The following PRRC2A variants were observed in gnomAD, a reference collection of about 807,000 sequenced individuals.
PRRC2A encodes proline rich coiled-coil 2A.
In PRRC2A, 59 loss-of-function variants were observed where a neutral mutation model predicts 224.6. The observed-to-expected ratio is 0.26, with a 90% confidence interval of 0.21 to 0.33. The LOEUF (loss-of-function observed/expected upper bound fraction) is 0.33, where lower values mean the gene tolerates loss of function less well. Ranked by LOEUF, PRRC2A falls within the 10% of genes least tolerant of loss-of-function variation. PRRC2A has a pLI of 1.00. For synonymous variants in PRRC2A, 1,194 were observed against 1,109.5 expected, an observed-to-expected ratio of 1.08 and a Z score of -1.51; for missense variants, 3,095 against 2,880.7, an observed-to-expected ratio of 1.07 and a Z score of -1.70.
At position 31,634,838 on chromosome 6, in the gene PRRC2A, G is replaced by A. The variant is rs1262391158; in HGVS notation, c.5021G>A (p.Gly1674Glu). The stretch of plus-strand genomic sequence containing the variant: ...TGCAGCCAGCGAAGTTCCCCTGATG[G>A]AGGACTCAAGGGGGCAGCAGAGGGA... ...GPCSQRSSPDGGLKGAAEGPP... is the reference protein window; with the variant it reads ...GPCSQRSSPDEGLKGAAEGPP... Residue 1674 changes from glycine to glutamate, a missense_variant, in exon 21 of 31, where the codon GGA becomes GAA. Transcript: ENST00000376033. 6.2e-7 allele frequency: 1 copy of A among 1,613,000 alleles called. No individual in the cohort carries two copies. The highest frequency in any genetic ancestry group is 1.7e-5 in the Admixed American group (1 of 60,028).
chr6:31,637,366 T>C, intron 30 of PRRC2A, 42 bp downstream of exon 30: 5 of 1,601,530 alleles, frequency 3.1e-6, no homozygotes, highest in Non-Finnish European at 4.3e-6. Context: ...AAATTCGAGT[T>C]GCCACCTGAT....
At position 31,631,586 on chromosome 6, in the gene PRRC2A, G is replaced by A. The variant is rs774285680; in HGVS notation, c.2913G>A (p.Gln971=). 6.4e-7 allele frequency: 1 copy of A among 1,565,934 alleles called. No homozygotes were observed. The highest frequency in any genetic ancestry group is 1.2e-5 in the South Asian group (1 of 84,358). ...VEELPPKPLE[Q]GDETPKPPKP... The stretch of plus-strand genomic sequence containing the variant: ...AGCTGCCTCCCAAGCCCCTCGAACA[G>A]GGGGATGAAACCCCCAAACCCCCAA... Residue 971 remains glutamine (Q), a synonymous_variant, in exon 16 of 31, where the codon CAG becomes CAA. Coordinates refer to ENST00000376033, the MANE Select transcript of PRRC2A (RefSeq NM_004638.4). The surrounding 1 kb of genome is among the most constrained non-coding windows in gnomAD (Gnocchi z 4.5).
chr6:31,626,759 T>C lies in PRRC2A; in HGVS notation c.983-13T>C. 6.4e-7 allele frequency: 1 copy of C among 1,563,842 alleles called. No individual in the cohort carries two copies. Among genetic ancestry groups the C allele is most frequent in the Non-Finnish European group, 8.7e-7 (1 of 1,153,532 alleles). On this transcript the variant is annotated splice_polypyrimidine_tract_variant and intron_variant, in intron 9 of 30. Transcript: ENST00000376033. ...AGAATGCTTGGGTTACTAATACTCATATTTCCCCTCAGGGGCCCATGAAGA... is the reference window on the plus strand; with the variant it reads ...AGAATGCTTGGGTTACTAATACTCACATTTCCCCTCAGGGGCCCATGAAGA...
In PRRC2A at chr6:31,632,506, CCCTT is replaced by C; in HGVS notation, c.3836_3839del (p.Leu1279GlnfsTer67). 6.2e-7 allele frequency: 1 copy of C among 1,608,672 alleles called. No homozygotes were observed. The highest frequency in any genetic ancestry group is 8.5e-7 in the Non-Finnish European group (1 of 1,177,192). On this transcript the variant is annotated frameshift_variant, in exon 16 of 31. Transcript: ENST00000376033. LOFTEE classifies it high-confidence loss of function. ...GGGTCTGAGGGCAAGCCCTCCCTAA[CCCTT>C]CCAGCCTCCGCTCCTGGACCTGAGG...
rs772361165 is a variant in PRRC2A at position 31,628,069 on chromosome 6, C to G, written c.1595C>G (p.Pro532Arg). The change falls in exon 12 of 31, where the codon CCA becomes CGA. Residue 532 changes from proline (P) to arginine (R), a missense_variant. By Grantham distance (103) the Pro-to-Arg change is moderately radical (BLOSUM62 -2). This residue lies in a region of PRRC2A where 2,001 missense variants were observed against 1,764.9 expected (regional missense o/e 1.13). Coordinates refer to ENST00000376033, the MANE Select transcript of PRRC2A (RefSeq NM_004638.4). ...GTCCCTAAAGAACTCCCTGCACCTCCAGCTCCACCTCCAGCATCAGCCCCA... is the reference window on the plus strand; with the variant it reads ...GTCCCTAAAGAACTCCCTGCACCTCGAGCTCCACCTCCAGCATCAGCCCCA... ...PAVPKELPAP[P>R]APPPASAPTP... The G allele has an allele frequency of 1.9e-6, 3 of 1,612,914 alleles. No homozygotes were observed. The highest frequency in any genetic ancestry group is 2.5e-6 in the Non-Finnish European group (3 of 1,179,908).
chr6:31,627,890 A>C lies in PRRC2A; in HGVS notation c.1416A>C (p.Glu472Asp). 6.2e-7 allele frequency: 1 copy of C among 1,613,056 alleles called. No homozygotes were observed. Among genetic ancestry groups the C allele is most frequent in the South Asian group, 1.1e-5 (1 of 91,082 alleles). ...TGGAGCGGGCCCGGCGACGGCGAGA[A>C]GAAGAGGAGCGGCGCATGCAAGAAG... ...LAVERARRRR[E>D]EEERRMQEER... The change falls in exon 12 of 31, where the codon GAA becomes GAC. Residue 472 changes from glutamate to aspartate, a missense_variant. Coordinates refer to ENST00000376033, the MANE Select transcript of PRRC2A (RefSeq NM_004638.4). This position sits in a 1 kb window ranked among gnomAD's most constrained non-coding sequence, Gnocchi z 5.6.
Position 31,632,999 on chromosome 6 carries a change from AG to A in PRRC2A, c.4319+9del. 1 of 1,530,566 alleles carries A rather than the reference AG, an allele frequency of 6.5e-7. No individual in the cohort carries two copies. Among genetic ancestry groups the A allele is most frequent in the Non-Finnish European group, 8.8e-7 (1 of 1,141,152 alleles). 94.8% of individuals were successfully genotyped at this position (1,530,566 alleles called of 1,614,324 possible). ...CCTCTCCCAAGAACCGAAGGTGGGT[AG>A]GAACAAACAAATTTATTGTGGTTTA... On this transcript the variant is annotated splice_region_variant and intron_variant, in intron 16 of 30. Transcript: ENST00000376033.
In PRRC2A at chr6:31,628,198, G is replaced by A. The variant is rs1422073805; in HGVS notation, c.1724G>A (p.Ser575Asn). 6.2e-7 allele frequency: 1 copy of A among 1,612,784 alleles called. No homozygotes were observed. Among genetic ancestry groups the A allele is most frequent in the East Asian group, 2.2e-5 (1 of 44,894 alleles). ...AAPTLVSGGG[S>N]TSSTSSGSFE... ...CCCACTCTGGTGAGTGGTGGTGGCAGTACCAGTAGCACCAGCAGTGGCAGC... is the reference window on the plus strand; with the variant it reads ...CCCACTCTGGTGAGTGGTGGTGGCAATACCAGTAGCACCAGCAGTGGCAGC... Residue 575 changes from serine to asparagine, a missense_variant, in exon 12 of 31, where the codon AGT (serine) becomes AAT (asparagine). Physicochemically the swap from Ser to Asn is conservative, Grantham distance 46. Transcript: ENST00000376033.
rs769576665 is a variant in PRRC2A at position 31,632,449 on chromosome 6, G to A, written c.3776G>A (p.Arg1259Lys). 2.5e-6 allele frequency: 4 copies of A among 1,605,500 alleles called. No homozygotes were observed. Among genetic ancestry groups the A allele is most frequent in the Middle Eastern group, 3.3e-4 (2 of 6,030 alleles). ...CAGGATAAACCGCCTCGTTTCCGGA[G>A]GCTGAAGCAGGAACGGGAGAATGCC... ...QQQDKPPRFR[R>K]LKQERENAAR... The change falls in exon 16 of 31, where the codon AGG becomes AAG. Residue 1259 changes from arginine (R) to lysine (K), a missense_variant. This residue lies in a region of PRRC2A where 2,001 missense variants were observed against 1,764.9 expected (regional missense o/e 1.13). Transcript: ENST00000376033.
chr6:31,625,363 T>G lies in PRRC2A; in HGVS notation c.607+49T>G. 6.2e-7 allele frequency: 1 copy of G among 1,614,086 alleles called. No individual in the cohort carries two copies. The highest frequency in any genetic ancestry group is 8.5e-7 in the Non-Finnish European group (1 of 1,179,906). On this transcript the variant is annotated intron_variant, in intron 6 of 30. Transcript: ENST00000376033. This position sits in a 1 kb window ranked among gnomAD's most constrained non-coding sequence, Gnocchi z 4.1. ...GACATTACCTATTGCATCTCAGAGC[T>G]AGGTGCTGGCTTATTCACCTTCCTC...
At position 31,625,692 on chromosome 6, in the gene PRRC2A, A is replaced by T; in HGVS notation, c.759+81A>T. 1 of 1,590,122 alleles carries T rather than the reference A, an allele frequency of 6.3e-7. No individual in the cohort carries two copies. Among genetic ancestry groups the T allele is most frequent in the African/African-American group, 1.3e-5 (1 of 74,434 alleles). ...ATCAGGACTTAGTCTTTGACCTATG[A>T]GATAGAAGGGAGGGTGGGAGGATGA... On this transcript the variant is annotated intron_variant, in intron 7 of 30. Transcript: ENST00000376033. The surrounding 1 kb of genome is among the most constrained non-coding windows in gnomAD (Gnocchi z 4.1).
rs201990416 is a variant in PRRC2A at position 31,635,435 on chromosome 6, A to C, written c.5343A>C (p.Ala1781=). The change falls in exon 23 of 31, where the codon GCA becomes GCC. Residue 1781 remains alanine (A), a synonymous_variant. Coordinates refer to ENST00000376033, the MANE Select transcript of PRRC2A (RefSeq NM_004638.4). ...LRLVVGDSLK[A]EKELTASVTE... is the part of the protein sequence containing the mutation. ...TAGTGGTAGGAGACAGCTTGAAAGC[A>C]GAGAAGGAGCTAACAGCATCAGTCA... 1.2e-6 allele frequency: 2 copies of C among 1,614,252 alleles called. No individual in the cohort carries two copies. Among genetic ancestry groups the C allele is most frequent in the Admixed American group, 3.3e-5 (2 of 60,032 alleles).
rs778668800 is a variant in PRRC2A at position 31,632,675 on chromosome 6, C to T, written c.4002C>T (p.Arg1334=). The T allele has an allele frequency of 2.4e-5, 38 of 1,612,992 alleles. No homozygotes were observed. Among genetic ancestry groups the T allele is most frequent in the Non-Finnish European group, 2.8e-5 (33 of 1,180,030 alleles). ...ASESSDFTSE[R]RGDKEAPPPV... is the part of the protein sequence containing the mutation. ...AGAGCAGTGACTTCACCAGTGAGCG[C>T]CGAGGGGACAAAGAGGCACCCCCAC... Residue 1334 remains arginine (R), a synonymous_variant, in exon 16 of 31, where the codon CGC becomes CGT. Coordinates refer to ENST00000376033, the MANE Select transcript of PRRC2A (RefSeq NM_004638.4).
chr6:31,623,259 ATTTTT>A (rs3993756), intron 2 of PRRC2A: 58,101 of 314,954 alleles, frequency 0.18, 1,885 homozygotes, highest in East Asian at 0.2. Flanking sequence ...GATTTCATAG[ATTTTT>A]TTTTTTTTTT....
rs1349850849 is a variant in PRRC2A, at chr6:31,636,874, C to G, written c.6076C>G (p.Pro2026Ala). The G allele has an allele frequency of 2.5e-6, 4 of 1,613,012 alleles. No homozygotes were observed. The highest frequency in any genetic ancestry group is 3.4e-6 in the Non-Finnish European group (4 of 1,180,028). ...GCCCCCCAGCCTGGCTGTGCGGCCC[C>G]CACCTGCTCCTGCTACTCGGGTGCT... ...LQPPSLAVRP[P>A]PAPATRVLPS... The change falls in exon 28 of 31, where the codon CCA becomes GCA. Residue 2026 changes from proline to alanine, a missense_variant. By Grantham distance (27) the Pro-to-Ala change is conservative. Around this residue, in one of 8 missense-constraint regions of PRRC2A, gnomAD observed 662 missense variants for 609.5 expected, o/e 1.09. Coordinates refer to ENST00000376033, the MANE Select transcript of PRRC2A (RefSeq NM_004638.4). This position sits in a 1 kb window ranked among gnomAD's most constrained non-coding sequence, Gnocchi z 4.3.
Position 31,632,140 on chromosome 6 carries a change from G to A in PRRC2A, c.3467G>A (p.Arg1156Gln), listed in dbSNP as rs140216447. 1,788 of 1,563,476 alleles carry A rather than the reference G, an allele frequency of 1.1e-3. 1 individual carries two copies. Among genetic ancestry groups the A allele is most frequent in the Non-Finnish European group, 1.3e-3 (1,529 of 1,155,310 alleles). ...PSPAPARFTARGGRVFTPRGV... is the reference protein window; with the variant it reads ...PSPAPARFTAQGGRVFTPRGV... ...CCAGCCCCAGCCCGCTTCACTGCCCGGGGTGGGCGAGTCTTCACTCCCAGA... is the reference window on the plus strand; with the variant it reads ...CCAGCCCCAGCCCGCTTCACTGCCCAGGGTGGGCGAGTCTTCACTCCCAGA... The change falls in exon 16 of 31, where the codon CGG (arginine) becomes CAG (glutamine). Residue 1156 changes from arginine to glutamine, a missense_variant. By Grantham distance (43) the Arg-to-Gln change is conservative. Around this residue, in one of 8 missense-constraint regions of PRRC2A, gnomAD observed 2,001 missense variants for 1,764.9 expected, o/e 1.13. Coordinates refer to ENST00000376033, the MANE Select transcript of PRRC2A (RefSeq NM_004638.4).
At position 31,633,894 on chromosome 6, in the gene PRRC2A, G is replaced by C; in HGVS notation, c.4624G>C (p.Gly1542Arg). The change falls in exon 18 of 31, where the codon GGG becomes CGG. Residue 1542 changes from glycine to arginine, a missense_variant. Physicochemically the swap from Gly to Arg is moderately radical, Grantham distance 125. Transcript: ENST00000376033. ...HFEEPGPMVR[G>R]VGGTPRDSAG... Reference sequence around the variant, plus strand: ...TGAGGAGCCGGGGCCAATGGTGAGAGGGGTGGGTGGGACTCCTCGGGACTC... The same window carrying C: ...TGAGGAGCCGGGGCCAATGGTGAGACGGGTGGGTGGGACTCCTCGGGACTC... 6.3e-7 allele frequency: 1 copy of C among 1,581,182 alleles called. No individual in the cohort carries two copies. Among genetic ancestry groups the C allele is most frequent in the South Asian group, 1.2e-5 (1 of 85,510 alleles).
rs1230143782 is a variant in PRRC2A at position 31,633,579 on chromosome 6, C to T, written c.4520C>T (p.Pro1507Leu). The change falls in exon 17 of 31, where the codon CCT (proline) becomes CTT (leucine). Residue 1507 changes from proline (P) to leucine (L), a missense_variant. By Grantham distance (98) the Pro-to-Leu change is moderately conservative. This residue lies in a region of PRRC2A where 2,001 missense variants were observed against 1,764.9 expected (regional missense o/e 1.13). Coordinates refer to ENST00000376033, the MANE Select transcript of PRRC2A (RefSeq NM_004638.4). ...PRHKPGLPQA[P>L]QGPSPRPPTR... ...CACAAGCCTGGGCTTCCCCAAGCCCCTCAGGGCCCCTCTCCTAGGCCCCCA... is the reference window on the plus strand; with the variant it reads ...CACAAGCCTGGGCTTCCCCAAGCCCTTCAGGGCCCCTCTCCTAGGCCCCCA... 5.6e-6 allele frequency: 9 copies of T among 1,612,892 alleles called. No homozygotes were observed. In the Admixed American group the frequency reaches 6.7e-5, roughly 12 times the overall value.
At position 31,627,129 on chromosome 6, in the gene PRRC2A, C is replaced by T. The variant is rs756045400; in HGVS notation, c.1221C>T (p.Ala407=). The T allele has an allele frequency of 3.1e-6, 5 of 1,613,914 alleles. No individual in the cohort carries two copies. In the South Asian group the frequency reaches 5.5e-5, roughly 18 times the overall value. The part of the protein sequence containing the change: ...RPPETEPGPP[A]PKPPLPPPHR... Reference sequence around the variant, plus strand: ...CAGAGACAGAGCCGGGACCTCCTGCCCCAAAGCCTCCCCTACCCCCACCTC... The same window carrying T: ...CAGAGACAGAGCCGGGACCTCCTGCTCCAAAGCCTCCCCTACCCCCACCTC... Residue 407 remains alanine, a synonymous_variant, in exon 11 of 31, where the codon GCC becomes GCT. Transcript: ENST00000376033. This position sits in a 1 kb window ranked among gnomAD's most constrained non-coding sequence, Gnocchi z 5.6.
Sources: allele counts gnomAD v4.1 joint callset, GRCh38; gene constraint gnomAD v4.1.1; regional missense constraint gnomAD v4.1.1; non-coding constraint Gnocchi (gnomAD v3.1); transcripts MANE v1.5; gene names NCBI Gene and HGNC (gene_info 2026-07-23, HGNC 2026-07-21).